WHRN: variants seen among roughly 807,000 people sequenced by gnomAD.
The protein encoded by WHRN is whirlin, also known as CASK-interacting protein CIP98.
In WHRN, 41 loss-of-function variants were observed where a neutral mutation model predicts 68.3. The observed-to-expected ratio is 0.60, with a 90% CI of 0.47 to 0.78. The LOEUF is 0.78. WHRN is among the 30% of genes least tolerant of loss of function. The pLI is 0.00. For missense variants in WHRN, 1,243 were observed against 1,244.7 expected, an observed-to-expected ratio of 1.00 and a Z score of 0.02; for synonymous variants, 560 against 561.3, an observed-to-expected ratio of 1.00 and a Z score of 0.03.
intron 3 of WHRN, among the ~76,000 whole-genome samples, chr9:114,462,233 G>A (rs1276120394): frequency 1.3e-5 from 2 of 152,200 alleles, no homozygotes; most frequent in East Asian, 3.9e-4. Flanking sequence ...GTCCCACAGA[G>A]CAGGGTGTTC....
At chr9:114,482,402 ATGGGATTCCAGTCGCACTGG>A (rs1842161076) in intron 1 of WHRN, among the ~76,000 whole-genome samples, 2 of 152,300 alleles carry the variant, frequency 1.3e-5, no homozygotes, top group South Asian at 4.1e-4. Context: ...GACAGAGAAA[ATGGGATTCCAGTCGCACTGG>A]TGGGATTCCA....
chr9:114,411,299 C>G (rs1016740277), intron 7 of WHRN, among the ~76,000 whole-genome samples: 1 of 152,182 alleles, frequency 6.6e-6, no homozygotes, highest in African/African-American at 2.4e-5. Context: ...GATTGACATG[C>G]ATTCACTTCC....
In WHRN at chr9:114,426,359, C is replaced by G. The variant is rs937343366; in HGVS notation, c.1018G>C (p.Asp340His). The change falls in exon 4 of 12, where the codon GAC becomes CAC. Residue 340 changes from aspartate to histidine, a missense_variant. Asp to His is a moderately conservative substitution (Grantham distance 81, BLOSUM62 -1). Coordinates refer to ENST00000362057, the MANE Select transcript of WHRN (RefSeq NM_015404.4). ...NGRSFLNILH[D>H]EAVRLLKSSR... is the part of the protein sequence containing the mutation. ...GACTTAAGCAGCCTGACAGCCTCGTCGTGTAGGATGTTGAGAAAGCTCCGC... is the reference window on the plus strand; with the variant it reads ...GACTTAAGCAGCCTGACAGCCTCGTGGTGTAGGATGTTGAGAAAGCTCCGC... The G allele has an allele frequency of 1.9e-6, 3 of 1,613,974 alleles. No homozygotes were observed. The highest frequency in any genetic ancestry group is 1.7e-5 in the Admixed American group (1 of 59,994).
chr9:114,478,516 G>A (rs1241381608), intron 2 of WHRN, 37 bp downstream of exon 2: 1 of 1,609,160 alleles, frequency 6.2e-7, no homozygotes, highest in Non-Finnish European at 8.5e-7. Flanking sequence ...AGAATACGGT[G>A]TCTGAGAGGC....
At chr9:114,412,056 G>A (rs1351303191) in intron 7 of WHRN, among the ~76,000 whole-genome samples, 1 of 152,166 alleles carries the variant, frequency 6.6e-6, no homozygotes, top group Non-Finnish European at 1.5e-5. Context: ...GGAGGGTGAG[G>A]GGTAGACGAG....
intron 8 of WHRN, 61 bp from the exon 9 acceptor site, chr9:114,406,953 G>A (rs576353286): frequency 1.9e-6 from 3 of 1,541,084 alleles, no homozygotes; most frequent in East Asian, 2.4e-5. Flanking sequence ...GAAGAGGGGA[G>A]GCCGAGCAGC....
In WHRN at chr9:114,406,783, C is replaced by A. The variant is rs368141295; in HGVS notation, c.1808G>T (p.Gly603Val). 9.2e-5 allele frequency: 149 copies of A among 1,613,930 alleles called. No individual in the cohort carries two copies. Among genetic ancestry groups the A allele is most frequent in the Non-Finnish European group, 1.2e-4 (138 of 1,179,900 alleles). ...DLPLGQPRKLGREDLQPPSSM... is the reference protein window; with the variant it reads ...DLPLGQPRKLVREDLQPPSSM... Reference sequence around the variant, plus strand: ...GGAAGGTGGCTGGAGGTCCTCTCTCCCCAGCTTCCTTGGCTGGCCTAGTGG... The same window carrying A: ...GGAAGGTGGCTGGAGGTCCTCTCTCACCAGCTTCCTTGGCTGGCCTAGTGG... Residue 603 changes from glycine (G) to valine (V), a missense_variant, in exon 9 of 12, where the codon GGG becomes GTG. Coordinates refer to ENST00000362057, the MANE Select transcript of WHRN (RefSeq NM_015404.4).
chr9:114,428,979 A>G (rs1223397646), intron 3 of WHRN, among the ~76,000 whole-genome samples: 3 of 151,464 alleles, frequency 2.0e-5, no homozygotes, highest in Non-Finnish European at 2.9e-5. Context: ...TGCCCAGGCT[A>G]GAGTGTAGTG....
chr9:114,413,922 C>T (rs1175398261), intron 7 of WHRN, among the ~76,000 whole-genome samples: 1 of 151,960 alleles, frequency 6.6e-6, no homozygotes, highest in Admixed American at 6.6e-5. Context: ...CCACGCCTCC[C>T]TCCCTGTGGT....
chr9:114,504,294 G>A lies in WHRN; in HGVS notation c.508C>T (p.Leu170=). ...SEHGVGIYVS[L]VEPGSLAEKE... ...TCAGCTAGAGAGCCTGGTTCCACCA[G>A]AGACACGTAGATGCCCACGCCGTGC... Residue 170 remains leucine, a synonymous_variant, in exon 1 of 12, where the codon CTG becomes TTG. Coordinates refer to ENST00000362057, the MANE Select transcript of WHRN (RefSeq NM_015404.4). 3 of 1,613,710 alleles carry A rather than the reference G, an allele frequency of 1.9e-6. No homozygotes were observed. Among genetic ancestry groups the A allele is most frequent in the Non-Finnish European group, 2.5e-6 (3 of 1,180,046 alleles).
At chr9:114,433,046 G>C (rs1016916773) in intron 3 of WHRN, among the ~76,000 whole-genome samples, 2 of 152,164 alleles carry the variant, frequency 1.3e-5, no homozygotes, top group Admixed American at 1.3e-4. Context: ...AGCCGAGGAC[G>C]GGAAGTAGAG....
chr9:114,475,378 A>G (rs539174301), intron 2 of WHRN, among the ~76,000 whole-genome samples: 1 of 152,324 alleles, frequency 6.6e-6, no homozygotes, highest in East Asian at 1.9e-4. Context: ...AGGATTTGAC[A>G]GTGATTTAAG....
chr9:114,403,478 G>A (rs1834815189), intron 10 of WHRN, 139 bp from the exon 11 acceptor site: 5 of 1,138,192 alleles, frequency 4.4e-6, no homozygotes, highest in Non-Finnish European at 5.3e-6. Flanking sequence ...GGTGTGCAAC[G>A]CACTAAGCCA....
intron 2 of WHRN, among the ~76,000 whole-genome samples, chr9:114,473,219 CG>C (rs2133065602): frequency 6.6e-6 from 1 of 152,248 alleles, no homozygotes; most frequent in African/African-American, 2.4e-5. Flanking sequence ...GGCAAATGAC[CG>C]GGGAGGGGTG....
At chr9:114,449,752 T>C (rs1839156689) in intron 3 of WHRN, among the ~76,000 whole-genome samples, 1 of 152,146 alleles carries the variant, frequency 6.6e-6, no homozygotes, top group African/African-American at 2.4e-5. Context: ...TCAATGTCAA[T>C]TCATCAGCTA....
intron 3 of WHRN, among the ~76,000 whole-genome samples, chr9:114,428,977 C>A (rs904408855): frequency 6.6e-6 from 1 of 151,290 alleles, no homozygotes; most frequent in Admixed American, 6.6e-5. Flanking sequence ...GTTGCCCAGG[C>A]TAGAGTGTAG....
intron 7 of WHRN, among the ~76,000 whole-genome samples, chr9:114,417,272 AG>A (rs1835885126): frequency 6.6e-6 from 1 of 152,234 alleles, no homozygotes; most frequent in Non-Finnish European, 1.5e-5. Context: ...GCATGATCCG[AG>A]GAATTCAGGC....
intron 3 of WHRN, among the ~76,000 whole-genome samples, chr9:114,432,599 T>G (rs550593126): frequency 6.6e-6 from 1 of 152,326 alleles, no homozygotes; most frequent in African/African-American, 2.4e-5. Context: ...GGTAATTGAC[T>G]TCACTTCTCT....
At chr9:114,474,840 T>C (rs996399928) in intron 2 of WHRN, among the ~76,000 whole-genome samples, 2 of 152,122 alleles carry the variant, frequency 1.3e-5, no homozygotes, top group Non-Finnish European at 2.9e-5. Flanking sequence ...AGACGCAGAA[T>C]TGACCTTGAC....
Sources: gnomAD v4.1 joint callset for allele counts (sites outside exome capture counted in the v4.1 genomes callset) on GRCh38, gnomAD v4.1.1 for gene constraint, MANE v1.5 for transcripts, NCBI Gene and HGNC (gene_info 2026-07-23, HGNC 2026-07-21) for gene names.